The following HTT-AS variants were observed in gnomAD, a reference collection of about 807,000 sequenced individuals.
HTT-AS encodes the protein HTT antisense RNA (head to head).
chr4:3,069,718 G>A (rs559316954), intron 1 of HTT-AS, among the ~76,000 whole-genome samples: 7 of 152,284 alleles, frequency 4.6e-5, no homozygotes, highest in East Asian at 3.9e-4. Flanking sequence ...GCTGTCCTGC[G>A]CCTCAGCCAT....
chr4:3,058,619 C>A (rs189189072), intron 2 of HTT-AS, among the ~76,000 whole-genome samples: 2 of 152,110 alleles, frequency 1.3e-5, no homozygotes, highest in Admixed American at 1.3e-4. Flanking sequence ...CCTGGGAACG[C>A]GGCCCAGCAG....
intron 2 of HTT-AS, among the ~76,000 whole-genome samples, chr4:3,060,984 G>A (rs1711916067): frequency 6.6e-6 from 1 of 152,184 alleles, no homozygotes; most frequent in Non-Finnish European, 1.5e-5. Context: ...ACCCACTGGG[G>A]CACCCCTCTC....
chr4:3,070,429 T>C lies in HTT-AS; in HGVS notation n.113+3997A>G, dbSNP rs150498214. On this transcript the variant is annotated intron_variant and non_coding_transcript_variant, in intron 1 of 2. Transcript: ENST00000664062. ...CCTCAGCCTCTTGAGTAGCTGGGAT[T>C]ACAGGCACCTGCCACCATGCCCGGC... Among the ~76,000 whole-genome samples, 471 of 152,178 alleles carry C rather than the reference T, an allele frequency of 3.1e-3. 7 individuals are homozygous for C. Among genetic ancestry groups the C allele is most frequent in the Admixed American group, 0.027 (420 of 15,280 alleles).
At chr4:3,047,101 G>A (rs1423045839), downstream of HTT-AS, among the ~76,000 whole-genome samples, 2 of 152,208 alleles carry the variant, frequency 1.3e-5, no homozygotes, top group Admixed American at 1.3e-4. Context: ...CATGAGGTCA[G>A]GAGATCGAGA....
intron 2 of HTT-AS, among the ~76,000 whole-genome samples, chr4:3,056,249 T>C (rs1216639013): frequency 6.6e-6 from 1 of 152,244 alleles, no homozygotes; most frequent in Non-Finnish European, 1.5e-5. Context: ...GATTCGTGAA[T>C]TGGGCAGTCC....
intron 1 of HTT-AS, among the ~76,000 whole-genome samples, chr4:3,067,872 C>T (rs1477658497): frequency 6.6e-6 from 1 of 152,156 alleles, no homozygotes; most frequent in South Asian, 2.1e-4. Context: ...TCTCCTTACA[C>T]CCCCAGACGT....
chr4:3,058,967 G>A (rs893215629), intron 2 of HTT-AS, among the ~76,000 whole-genome samples: 7 of 152,066 alleles, frequency 4.6e-5, no homozygotes, highest in African/African-American at 1.2e-4. Context: ...CAATACAGCC[G>A]CGTTGGCCTC....
intron 2 of HTT-AS, among the ~76,000 whole-genome samples, chr4:3,053,208 T>C (rs1711746046): frequency 6.6e-6 from 1 of 152,188 alleles, no homozygotes; most frequent in African/African-American, 2.4e-5. Flanking sequence ...TGTGTAGTTA[T>C]ATATGTGTTG....
chr4:3,047,393 A>C (rs1711612878), downstream of HTT-AS, among the ~76,000 whole-genome samples: 1 of 152,258 alleles, frequency 6.6e-6, no homozygotes, highest in Admixed American at 6.5e-5. Context: ...ATTAGATATG[A>C]CTATTATCAA....
chr4:3,072,307 G>A (rs1247243595), intron 1 of HTT-AS, among the ~76,000 whole-genome samples: 6 of 152,222 alleles, frequency 3.9e-5, no homozygotes, highest in Admixed American at 1.3e-4. Context: ...TTATGTCCTC[G>A]CCATGTGGGC....
downstream of HTT-AS, among the ~76,000 whole-genome samples, chr4:3,046,202 C>T (rs977340827): frequency 6.6e-5 from 10 of 152,200 alleles, no homozygotes; most frequent in African/African-American, 2.4e-4. Context: ...CCCAGAATCA[C>T]AGCAGATTCA....
intron 2 of HTT-AS, among the ~76,000 whole-genome samples, chr4:3,058,409 AGTGCCTTTTAGCATGTT>A (rs1711850743): frequency 6.6e-6 from 1 of 152,078 alleles, no homozygotes; most frequent in African/African-American, 2.4e-5. Context: ...GGCTGGTGGG[AGTGCCTTTTAGCATGTT>A]AATGCATTAT....
intron 2 of HTT-AS, among the ~76,000 whole-genome samples, chr4:3,055,748 T>C (rs1266788295): frequency 6.6e-6 from 1 of 152,210 alleles, no homozygotes; most frequent in Non-Finnish European, 1.5e-5. Context: ...CAATGATTTT[T>C]TCCTACCTAA....
chr4:3,074,021 G>T (rs1712297741), intron 1 of HTT-AS, among the ~76,000 whole-genome samples: 1 of 70,666 alleles, frequency 1.4e-5, no homozygotes, highest in African/African-American at 5.6e-5. Context: ...GCCCCGCCCC[G>T]TCCATGGCCC....
At chr4:3,062,654 G>A (rs1232302723) in exon 2 of HTT-AS, among the ~76,000 whole-genome samples, 1 of 151,834 alleles carries the variant, frequency 6.6e-6, no homozygotes, top group Non-Finnish European at 1.5e-5. Flanking sequence ...TTTCTCTTCT[G>A]CTTGGCGTGT....
chr4:3,065,250 T>C (rs1031925109), intron 1 of HTT-AS, among the ~76,000 whole-genome samples: 2 of 152,084 alleles, frequency 1.3e-5, no homozygotes, highest in African/African-American at 4.8e-5. Flanking sequence ...TTCTTCTTTT[T>C]TTTTTTTGAG....
chr4:3,066,231 G>A (rs1712054377), intron 1 of HTT-AS, among the ~76,000 whole-genome samples: 1 of 151,992 alleles, frequency 6.6e-6, no homozygotes, highest in Non-Finnish European at 1.5e-5. Flanking sequence ...GTGCAATGGT[G>A]CGATCTCAGC....
intron 1 of HTT-AS, among the ~76,000 whole-genome samples, chr4:3,064,707 A>G (rs1226071107): frequency 2.0e-5 from 3 of 152,238 alleles, no homozygotes; most frequent in East Asian, 1.9e-4. Context: ...ACAATCTGAC[A>G]TGGGAATGTT....
chr4:3,050,626 A>G lies in HTT-AS; in HGVS notation n.1381-928T>C, dbSNP rs143478810. 3.9e-3 allele frequency among the ~76,000 whole-genome samples: 587 copies of G among 152,330 alleles called. 3 individuals are homozygous for G. The highest frequency in any genetic ancestry group is 8.4e-3 in the African/African-American group (351 of 41,580). ...TTAAATAGTCATAGTTAAAAACACA[A>G]TTGACAAGGAAATTTGGTTATTTCT... is the stretch of plus-strand genomic sequence containing the variant. On this transcript the variant is annotated intron_variant and non_coding_transcript_variant, in intron 2 of 2. Coordinates refer to ENST00000664062, the Ensembl canonical transcript of HTT-AS.
Sources: allele counts gnomAD v4.1 joint callset (sites outside exome capture counted in the v4.1 genomes callset), GRCh38; gene constraint gnomAD v4.1.1; transcripts MANE v1.5; gene names NCBI Gene and HGNC (gene_info 2026-07-23, HGNC 2026-07-21).